KAZN: variants seen among roughly 807,000 people sequenced by gnomAD.
KAZN encodes the protein kazrin, periplakin interacting protein.
In KAZN, 40 loss-of-function variants were observed where a neutral mutation model predicts 87.4. That is an observed-to-expected ratio of 0.46 (90% CI 0.36 to 0.60). The LOEUF is 0.60. KAZN is among the 20% of genes least tolerant of loss of function. KAZN has a pLI of 0.00. For missense variants in KAZN, 898 were observed against 1,073.9 expected (o/e 0.84, Z 2.29); for synonymous variants, 466 against 458.3 (o/e 1.02, Z -0.22).
chr1:14,477,949 T>C (rs531351065), intron 2 of KAZN, among the ~76,000 whole-genome samples: 1 of 152,312 alleles, frequency 6.6e-6, no homozygotes, highest in African/African-American at 2.4e-5. Flanking sequence ...AAAAGCCCTG[T>C]ATGCCAAGCA....
rs537747516 is a variant in KAZN at position 14,107,286 on chromosome 1, G to A, written c.92-73149G>A. On this transcript the variant is annotated intron_variant, in intron 1 of 16. Transcript: ENST00000636203. ...TCAGCCCCTGGATCCAGTATGGCAT[G>A]AGAGCAGTTAGGAGACAGCTCAAGC... 1.4e-4 allele frequency among the ~76,000 whole-genome samples: 21 copies of A among 151,910 alleles called. No homozygotes were observed. The East Asian group carries it at 3.9e-3, about 28-fold the overall frequency.
chr1:14,325,508 C>G (rs185223344), intron 2 of KAZN, among the ~76,000 whole-genome samples: 1 of 152,162 alleles, frequency 6.6e-6, no homozygotes, highest in Non-Finnish European at 1.5e-5. Context: ...AGCATACCAA[C>G]ATGTGCATGG....
At chr1:14,020,137 T>C (rs114314723) in intron 1 of KAZN, among the ~76,000 whole-genome samples, 3,362 of 152,094 alleles carry the variant, frequency 0.022, 117 homozygotes, top group African/African-American at 0.076. Flanking sequence ...GATTTGCACT[T>C]CTGTGATAAC....
intron 1 of KAZN, among the ~76,000 whole-genome samples, chr1:14,766,362 G>T (rs1487175414): frequency 6.6e-6 from 1 of 151,954 alleles, no homozygotes; most frequent in Non-Finnish European, 1.5e-5. Flanking sequence ...CATGCCCCAA[G>T]CACTCACTGA....
At chr1:14,994,446 C>T (rs1474010604) in intron 2 of KAZN, among the ~76,000 whole-genome samples, 1 of 152,234 alleles carries the variant, frequency 6.6e-6, no homozygotes, top group Non-Finnish European at 1.5e-5. Flanking sequence ...CCATCTGAGA[C>T]AGCAGGCTTT....
At chr1:14,163,087 A>G (rs1645745650) in intron 1 of KAZN, among the ~76,000 whole-genome samples, 2 of 152,062 alleles carry the variant, frequency 1.3e-5, no homozygotes, top group African/African-American at 4.8e-5. Context: ...TCTTATCTAG[A>G]TCTGTTAGCA....
At chr1:14,463,486 AT>A (rs1184005133) in intron 2 of KAZN, among the ~76,000 whole-genome samples, 1 of 152,176 alleles carries the variant, frequency 6.6e-6, no homozygotes, top group Non-Finnish European at 1.5e-5. Context: ...TAAGATTAGT[AT>A]ATTTCTATAA....
chr1:14,173,658 TCCCCG>T (rs56686540), intron 1 of KAZN, among the ~76,000 whole-genome samples: 18,598 of 148,576 alleles, frequency 0.13, 1,277 homozygotes, highest in East Asian at 0.34. Flanking sequence ...GTAGTTCCCC[TCCCCG>T]CCCCGCCCCG....
In KAZN at chr1:15,104,091, T is replaced by C. The variant is rs758502025; in HGVS notation, c.1950T>C (p.Asn650=). 17 of 1,613,140 alleles carry C rather than the reference T, an allele frequency of 1.1e-5. No individual in the cohort carries two copies. The highest frequency in any genetic ancestry group is 4.0e-5 in the African/African-American group (3 of 74,940). Residue 650 remains asparagine (N), a synonymous_variant, in exon 13 of 15, where the codon AAT becomes AAC. Transcript: ENST00000376030. The stretch of plus-strand genomic sequence containing the variant: ...TGCTGGTGCTGGAGCCCACATTCAA[T>C]GCCGAGGCCATGGCCACTGCCCTGG... The part of the protein sequence containing the change: ...GAVLVLEPTF[N]AEAMATALGI...
At chr1:13,973,124 A>G (rs2101054155) in intron 1 of KAZN, among the ~76,000 whole-genome samples, 1 of 150,080 alleles carries the variant, frequency 6.7e-6, no homozygotes, top group South Asian at 2.1e-4. Flanking sequence ...CTTCCTCTTC[A>G]TCTTTATTAT....
intron 2 of KAZN, among the ~76,000 whole-genome samples, chr1:14,194,294 G>A (rs113738727): frequency 1.3e-5 from 2 of 152,256 alleles, no homozygotes; most frequent in Non-Finnish European, 2.9e-5. Flanking sequence ...TACCCCAGGG[G>A]ACAAGTTGAG....
At chr1:14,904,309 GAAAA>G (rs34880967) in intron 1 of KAZN, among the ~76,000 whole-genome samples, 1 of 137,878 alleles carries the variant, frequency 7.3e-6, no homozygotes, top group African/African-American at 2.7e-5. Flanking sequence ...CGTCTCAAAA[GAAAA>G]AAAAAAAAAA....
intron 1 of KAZN, among the ~76,000 whole-genome samples, chr1:13,922,873 A>T (rs1422413324): frequency 6.6e-6 from 1 of 152,156 alleles, no homozygotes; most frequent in Non-Finnish European, 1.5e-5. Context: ...GTACCATTTT[A>T]TTTCTATAGT....
At chr1:14,164,454 TTGTGTGTGTGTG>T (rs59816103) in intron 1 of KAZN, among the ~76,000 whole-genome samples, 1 of 144,644 alleles carries the variant, frequency 6.9e-6, no homozygotes, top group Non-Finnish European at 1.5e-5. Flanking sequence ...CACTATGGCT[TTGTGTGTGTGTG>T]TGTGTGTGTG....
chr1:14,340,888 C>CTTTTTTTTTTTTTTTTTTTT (rs3085672), intron 2 of KAZN, among the ~76,000 whole-genome samples: 1 of 103,158 alleles, frequency 9.7e-6, no homozygotes, highest in African/African-American at 4.0e-5. Flanking sequence ...ATGATTTTCC[C>CTTTTTTTTTTTTTTTTTTTT]TTTTTTTTTT....
chr1:14,781,326 A>AAAAAAAC (rs746679180), intron 1 of KAZN, among the ~76,000 whole-genome samples: 3 of 152,244 alleles, frequency 2.0e-5, no homozygotes, highest in Non-Finnish European at 4.4e-5. Context: ...TGTCTGAAGA[A>AAAAAAAC]AAAAAACAAA....
At chr1:14,060,164 C>T (rs1294450445) in intron 1 of KAZN, among the ~76,000 whole-genome samples, 1 of 152,020 alleles carries the variant, frequency 6.6e-6, no homozygotes, top group Non-Finnish European at 1.5e-5. Flanking sequence ...GAGATCGAGA[C>T]CATCCTAGCT....
rs538947049 is a variant in KAZN, at chr1:14,639,169, C to T, written c.226+39946C>T. On this transcript the variant is annotated intron_variant, in intron 1 of 14. Transcript: ENST00000376030. Reference sequence around the variant, plus strand: ...ACCCCAAATCCATGGACCCCAGAGGCTGATGCACTCGGTCAGGGCTCTGGG... The same window carrying T: ...ACCCCAAATCCATGGACCCCAGAGGTTGATGCACTCGGTCAGGGCTCTGGG... Among the ~76,000 whole-genome samples, 3 of 152,302 alleles carry T rather than the reference C, an allele frequency of 2.0e-5. No homozygotes were observed. The East Asian group carries it at 5.8e-4, about 29-fold the overall frequency.
intron 8 of KAZN, among the ~76,000 whole-genome samples, chr1:15,084,204 C>T (rs1420823069): frequency 6.6e-6 from 1 of 152,222 alleles, no homozygotes; most frequent in Non-Finnish European, 1.5e-5. Flanking sequence ...CATTGGACAT[C>T]TCCATATACC....
Sources: allele counts gnomAD v4.1 joint callset (sites outside exome capture counted in the v4.1 genomes callset), GRCh38; gene constraint gnomAD v4.1.1; transcripts MANE v1.5; gene names NCBI Gene and HGNC (gene_info 2026-07-23, HGNC 2026-07-21).